EIF3E: variants seen among roughly 807,000 people sequenced by gnomAD.
EIF3E encodes eIF-3 p48.
EIF3E carries 25 observed loss-of-function variants against 59.3 expected under a neutral mutation model. The ratio of observed to expected loss-of-function variants is 0.42; its 90% confidence interval spans 0.31 to 0.59. EIF3E has a LOEUF of 0.59. EIF3E is among the 20% of genes least tolerant of loss of function. The pLI, the probability that EIF3E is intolerant of heterozygous loss-of-function variation, is 0.15. For synonymous variants in EIF3E, 176 were observed against 170.2 expected (o/e 1.03, Z -0.26); for missense variants, 317 against 534.3 (o/e 0.59, Z 4.01).
Position 108,221,010 on chromosome 8 carries a change from G to T in EIF3E, c.723-3550C>A, listed in dbSNP as rs686630. On this transcript the variant is annotated intron_variant, in intron 7 of 12. Coordinates refer to ENST00000220849, the MANE Select transcript of EIF3E (RefSeq NM_001568.3). ...GATTCCACCACTGCACTCCAGACTG[G>T]GCGACAGAGCGAGACATGGACAGAC... Among the ~76,000 whole-genome samples, 7 of 151,838 alleles carry T rather than the reference G, an allele frequency of 4.6e-5. No homozygotes were observed. The East Asian group carries it at 1.2e-3, about 25-fold the overall frequency.
chr8:108,236,021 A>G, intron 4 of EIF3E, 140 bp downstream of exon 4: 1 of 646,708 alleles, frequency 1.5e-6, no homozygotes, highest in Non-Finnish European at 2.4e-6. Flanking sequence ...GAAGTTTTAA[A>G]AATATAACCA....
chr8:108,206,378 G>A (rs966333206), intron 10 of EIF3E, among the ~76,000 whole-genome samples: 1 of 152,060 alleles, frequency 6.6e-6, no homozygotes, highest in Non-Finnish European at 1.5e-5. Context: ...CTATGTATGT[G>A]AAATGCAAAA....
intron 7 of EIF3E, among the ~76,000 whole-genome samples, chr8:108,224,846 A>G (rs985224679): frequency 4.6e-5 from 7 of 151,618 alleles, no homozygotes; most frequent in African/African-American, 1.7e-4. Flanking sequence ...AAGCAGTGGC[A>G]TCAAACTATA....
chr8:108,228,148 AG>A lies in EIF3E; in HGVS notation c.722+118del. ...AGTAACAAGCAAATCTACTACATGA[AG>A]AAAAAAAAAAACAGGTGACAACAAA... On this transcript the variant is annotated intron_variant, in intron 7 of 12. Transcript: ENST00000220849. The A allele has an allele frequency of 1.5e-5, 16 of 1,100,602 alleles. No individual in the cohort carries two copies. In the South Asian group the frequency reaches 2.6e-4, roughly 18 times the overall value. 68.2% of individuals were successfully genotyped at this position (1,100,602 alleles called of 1,614,324 possible). A position where few individuals can be genotyped will look rare whatever the true frequency, so the allele number is the denominator to read the frequency against.
intron 7 of EIF3E, among the ~76,000 whole-genome samples, chr8:108,223,543 G>T (rs1209236026): frequency 6.6e-6 from 1 of 152,162 alleles, no homozygotes; most frequent in Non-Finnish European, 1.5e-5. Flanking sequence ...AGAAAATTCA[G>T]ATTATTTTTA....
At chr8:108,202,649 A>C (rs1284318853) in intron 12 of EIF3E, among the ~76,000 whole-genome samples, 1 of 152,072 alleles carries the variant, frequency 6.6e-6, no homozygotes, top group Admixed American at 6.6e-5. Flanking sequence ...CGAACACTTG[A>C]AAGAGGGCTA....
chr8:108,218,265 T>C (rs1208307000), intron 7 of EIF3E, among the ~76,000 whole-genome samples: 3 of 152,142 alleles, frequency 2.0e-5, no homozygotes, highest in East Asian at 1.9e-4. Flanking sequence ...CACACTACCA[T>C]TGACAGCTTC....
chr8:108,207,616 A>T (rs1815128139), intron 10 of EIF3E, among the ~76,000 whole-genome samples: 2 of 152,200 alleles, frequency 1.3e-5, no homozygotes, highest in African/African-American at 2.4e-5. Flanking sequence ...GATTATTTAG[A>T]TTACACTAAA....
At chr8:108,244,147 A>G (rs1417861322) in intron 1 of EIF3E, among the ~76,000 whole-genome samples, 3 of 152,268 alleles carry the variant, frequency 2.0e-5, no homozygotes, top group African/African-American at 4.8e-5. Flanking sequence ...AACAGAAATA[A>G]TAACAGTAAA....
At chr8:108,241,666 C>A in intron 2 of EIF3E, 133 bp downstream of exon 2, 3 of 476,670 alleles carry the variant, frequency 6.3e-6, no homozygotes, top group South Asian at 5.4e-5. Flanking sequence ...TTTATATAAC[C>A]TCTCACCCAA....
intron 5 of EIF3E, among the ~76,000 whole-genome samples, chr8:108,230,424 C>T (rs1477578334): frequency 2.0e-5 from 3 of 152,006 alleles, no homozygotes; most frequent in South Asian, 2.1e-4. Context: ...AAAATCATCG[C>T]AGAGATAGGT....
chr8:108,233,728 C>T (rs1414031281), intron 5 of EIF3E: 2 of 314,662 alleles, frequency 6.4e-6, no homozygotes, highest in African/African-American at 2.3e-5. Context: ...ACTTGTAGTC[C>T]TAGCTATTCA....
intron 5 of EIF3E, among the ~76,000 whole-genome samples, chr8:108,231,092 C>A (rs939610975): frequency 2.6e-5 from 4 of 151,870 alleles, no homozygotes; most frequent in African/African-American, 9.7e-5. Context: ...CTTAATGTAG[C>A]CACACAAGTA....
Position 108,217,407 on chromosome 8 carries a change from G to A in EIF3E, c.776C>T (p.Thr259Ile). Residue 259 changes from threonine to isoleucine, a missense_variant, in exon 8 of 13, where the codon ACA (threonine) becomes ATA (isoleucine). Around this residue, in one of 4 missense-constraint regions of EIF3E, gnomAD observed 242 missense variants for 398.0 expected, o/e 0.61. Transcript: ENST00000220849. ...MCPHILRYLTTAVITNKDVRK... is the reference protein window; with the variant it reads ...MCPHILRYLTIAVITNKDVRK... ...AACATCCTTGTTTGTTATGACTGCTGTAGTCAAATAGCGAAGAATGTGTGG... is the reference window on the plus strand; with the variant it reads ...AACATCCTTGTTTGTTATGACTGCTATAGTCAAATAGCGAAGAATGTGTGG... The A allele has an allele frequency of 6.2e-7, 1 of 1,604,526 alleles. No individual in the cohort carries two copies. The highest frequency in any genetic ancestry group is 1.1e-5 in the South Asian group (1 of 89,624).
At chr8:108,220,789 C>T (rs1815396647) in intron 7 of EIF3E, among the ~76,000 whole-genome samples, 1 of 152,238 alleles carries the variant, frequency 6.6e-6, no homozygotes, top group South Asian at 2.1e-4. Context: ...GGACAGATTT[C>T]TCTGGCTGCT....
At chr8:108,230,601 T>A (rs1815604810) in intron 5 of EIF3E, among the ~76,000 whole-genome samples, 1 of 152,184 alleles carries the variant, frequency 6.6e-6, no homozygotes. Context: ...AAATAACATT[T>A]GGCACACTAA....
chr8:108,213,016 G>A (rs1323233164), intron 10 of EIF3E, among the ~76,000 whole-genome samples: 14 of 152,090 alleles, frequency 9.2e-5, no homozygotes, highest in Non-Finnish European at 2.1e-4. Flanking sequence ...CAGAGATCAA[G>A]GAAGTAATAA....
In EIF3E at chr8:108,226,069, T is replaced by G. The variant is rs553854644; in HGVS notation, c.722+2198A>C. Reference sequence around the variant, plus strand: ...ATTATGAAGCTGTTGAGAAAGAAAATTGTTTCATTATTCATTGTTTTGCTT... The same window carrying G: ...ATTATGAAGCTGTTGAGAAAGAAAAGTGTTTCATTATTCATTGTTTTGCTT... On this transcript the variant is annotated intron_variant, in intron 7 of 12. Coordinates refer to ENST00000220849, the MANE Select transcript of EIF3E (RefSeq NM_001568.3). 3 of 152,260 alleles carry G rather than the reference T, an allele frequency of 2.0e-5. No homozygotes were observed. The East Asian group carries it at 5.8e-4, about 29-fold the overall frequency. 9.4% of individuals were successfully genotyped at this position (152,260 alleles called of 1,614,324 possible).
At chr8:108,211,966 A>G (rs1000655637) in intron 10 of EIF3E, among the ~76,000 whole-genome samples, 2 of 152,250 alleles carry the variant, frequency 1.3e-5, no homozygotes, top group Non-Finnish European at 2.9e-5. Flanking sequence ...TAAACCTGAC[A>G]TTTCTAAAAA....
Sources: gnomAD v4.1 joint callset for allele counts (sites outside exome capture counted in the v4.1 genomes callset) on GRCh38, gnomAD v4.1.1 for gene constraint, gnomAD v4.1.1 regional missense constraint, MANE v1.5 for transcripts, NCBI Gene and HGNC (gene_info 2026-07-23, HGNC 2026-07-21) for gene names.